Variants in PCSK4 observed in about 807,000 individuals in gnomAD.
PCSK4 encodes the protein testicular tissue protein Li 135.
In PCSK4, 64 loss-of-function variants were observed where a neutral mutation model predicts 80.3. That is an observed-to-expected ratio of 0.80 (90% CI 0.65 to 0.98). The LOEUF is 0.98. Ranked by LOEUF, PCSK4 falls within the 50% of genes least tolerant of loss-of-function variation. The probability of loss-of-function intolerance (pLI) is 0.00; values close to 1 mark genes in which losing one functional copy is unlikely to be tolerated. For missense variants in PCSK4, 1,213 were observed against 1,093.6 expected, an observed-to-expected ratio of 1.11 and a Z score of -1.54; for synonymous variants, 561 against 487.6, an observed-to-expected ratio of 1.15 and a Z score of -1.98.
At chr19:1,483,977 G>C (rs1292605437) in intron 9 of PCSK4, 36 bp from the exon 10 acceptor site, 3 of 1,456,762 alleles carry the variant, frequency 2.1e-6, no homozygotes, top group Non-Finnish European at 2.7e-6. Flanking sequence ...GTGAGCCGCC[G>C]GGCCGCGCCT....
At chr19:1,482,612 C>T (rs1261840745) in intron 13 of PCSK4, 137 bp from the exon 14 acceptor site, 3 of 1,091,856 alleles carry the variant, frequency 2.7e-6, no homozygotes, top group Admixed American at 2.5e-5. Flanking sequence ...GAATTGCACA[C>T]CTACTGTGCG....
At position 1,482,970 on chromosome 19, in the gene PCSK4, G is replaced by A. The variant is rs774411241; in HGVS notation, c.1622C>T (p.Thr541Ile). ...CTGTGGGTTCTCATCCCAGAAGTGG[G>A]TGGACATGAAGACCCAGTTGTTGTA... Residue 541 changes from threonine to isoleucine, a missense_variant, in exon 13 of 15, where the codon ACC becomes ATC. Physicochemically the swap from Thr to Ile is moderately conservative, Grantham distance 89 (BLOSUM62 -1). Coordinates refer to ENST00000300954, the Ensembl canonical transcript of PCSK4. The A allele has an allele frequency of 9.3e-6, 15 of 1,609,472 alleles. No homozygotes were observed. The Admixed American group carries it at 1.8e-4, about 20-fold the overall frequency.
rs568169170 is a variant in PCSK4, at chr19:1,487,555, C to G, written c.682+48G>C. 2.0e-6 allele frequency: 3 copies of G among 1,466,546 alleles called. No individual in the cohort carries two copies. The South Asian group carries it at 3.6e-5, about 18-fold the overall frequency. The allele number at this position is 1,466,546 out of a possible 1,614,324, so 90.8% of individuals were successfully genotyped here. On this transcript the variant is annotated intron_variant, in intron 6 of 14. Transcript: ENST00000300954. ...GGCCCAGCTCCCCGCCAGAGTCACC[C>G]CCTTCCCTCTCTGTCCCGGAATGGT...
At position 1,482,109 on chromosome 19, in the gene PCSK4, GC is replaced by G; in HGVS notation, c.1917del (p.His640ThrfsTer7). ...ACCCTCAGCGCGGGCGCCGCCGTGT[GC>G]CCAGGCCCAGCGGTCACCAGCCTTG... On this transcript the variant is annotated frameshift_variant, in exon 15 of 15. Coordinates refer to ENST00000300954, the Ensembl canonical transcript of PCSK4. LOFTEE classifies it low-confidence loss of function (END_TRUNC). 6.4e-7 allele frequency: 1 copy of G among 1,552,450 alleles called. No individual in the cohort carries two copies.
intron 12 of PCSK4, 91 bp from the exon 13 acceptor site, chr19:1,483,111 C>T: frequency 7.6e-7 from 1 of 1,311,634 alleles, no homozygotes; most frequent in Non-Finnish European, 1.0e-6. Context: ...ACCGCACGCG[C>T]TGGTGGCCGC....
At chr19:1,490,292 C>G (rs758854277) in exon 1 of PCSK4, 25 of 1,580,850 alleles carry the variant, frequency 1.6e-5, no homozygotes, top group Non-Finnish European at 2.2e-5. Context: ...CGGGGGCGGA[C>G]AAGGGCCAGG....
At chr19:1,482,065 G>C in exon 15 of PCSK4, 1 of 1,555,514 alleles carries the variant, frequency 6.4e-7, no homozygotes, top group Non-Finnish European at 8.7e-7. Flanking sequence ...TGTAGCAGGA[G>C]GCATGGCAGC....
chr19:1,490,280 C>G lies in PCSK4; in HGVS notation c.67G>C (p.Ala23Pro), dbSNP rs764289835. 8.7e-5 allele frequency: 139 copies of G among 1,596,270 alleles called. No homozygotes were observed. Among genetic ancestry groups the G allele is most frequent in the Non-Finnish European group, 1.1e-4 (132 of 1,171,810 alleles). ...GCTCGGACCGGGGCCCACCCCACAGCCCGGGGGCGGACAAGGGCCAGGGCC... is the reference window on the plus strand; with the variant it reads ...GCTCGGACCGGGGCCCACCCCACAGGCCGGGGGCGGACAAGGGCCAGGGCC... Residue 23 changes from alanine to proline, a missense_variant, in exon 1 of 15, where the codon GCT becomes CCT. Physicochemically the swap from Ala to Pro is conservative, Grantham distance 27 (BLOSUM62 -1). Coordinates refer to ENST00000300954, the Ensembl canonical transcript of PCSK4.
At chr19:1,490,399 G>C in exon 1 of PCSK4, 2 of 698,540 alleles carry the variant, frequency 2.9e-6, no homozygotes, top group Non-Finnish European at 4.5e-6. Flanking sequence ...CCGCCAAACC[G>C]CCGAGTGGGC....
chr19:1,482,623 C>G (rs2084357853), intron 13 of PCSK4, 148 bp from the exon 14 acceptor site: 1 of 1,012,388 alleles, frequency 9.9e-7, no homozygotes, highest in Admixed American at 2.6e-5. Context: ...CTACTGTGCG[C>G]CTGTCACTGG....
exon 12 of PCSK4, chr19:1,483,351 G>C: frequency 6.2e-7 from 1 of 1,609,986 alleles, no homozygotes; most frequent in Middle Eastern, 1.7e-4. Context: ...TCTCCGCGCC[G>C]GCTGTAGGAC....
At position 1,486,988 on chromosome 19, in the gene PCSK4, G is replaced by A. The variant is rs189463615; in HGVS notation, c.933C>T (p.Asp311=). The change falls in exon 8 of 15, where the codon GAC becomes GAT. Residue 311 remains aspartate, a synonymous_variant. Coordinates refer to ENST00000300954, the Ensembl canonical transcript of PCSK4. Reference sequence around the variant, plus strand: ...GCGTGTGGATGCTGTTGGTGTAGCCGTCGCAGTTGCAGTTGTCGTAGTGCA... The same window carrying A: ...GCGTGTGGATGCTGTTGGTGTAGCCATCGCAGTTGCAGTTGTCGTAGTGCA... The A allele has an allele frequency of 5.0e-5, 81 of 1,609,886 alleles. No individual in the cohort carries two copies. In the African/African-American group the frequency reaches 6.7e-4, roughly 13 times the overall value.
chr19:1,490,115 C>T lies in PCSK4; in HGVS notation c.189+43G>A, dbSNP rs767904501. 8.1e-6 allele frequency: 13 copies of T among 1,608,246 alleles called. No individual in the cohort carries two copies. In the South Asian group the frequency reaches 8.9e-5, roughly 11 times the overall value. On this transcript the variant is annotated intron_variant, in intron 1 of 14. Transcript: ENST00000300954. Reference sequence around the variant, plus strand: ...TTGTCGGGGTCTAGGGTTGTTCAGTCCCCTCCAAGCCCCCACTTCCCGTCT... The same window carrying T: ...TTGTCGGGGTCTAGGGTTGTTCAGTTCCCTCCAAGCCCCCACTTCCCGTCT...
chr19:1,490,262 C>T, exon 1 of PCSK4: 2 of 1,607,306 alleles, frequency 1.2e-6, no homozygotes, highest in South Asian at 1.1e-5. Flanking sequence ...GGGGCTCGGA[C>T]CGGGGCCCAC....
In PCSK4 at chr19:1,483,123, T is replaced by G. The variant is rs545903041; in HGVS notation, c.1572-103A>C. ...CTGACCGCACGCGCTGGTGGCCGCG[T>G]GTCCTCTGGGTGTGGGTGAGGGTGT... On this transcript the variant is annotated intron_variant, in intron 12 of 14. Coordinates refer to ENST00000300954, the Ensembl canonical transcript of PCSK4. 1.1e-4 allele frequency: 147 copies of G among 1,282,604 alleles called. 1 individual carries two copies. The South Asian group carries it at 2.0e-3, about 18-fold the overall frequency. 79.5% of individuals were successfully genotyped at this position (1,282,604 alleles called of 1,614,324 possible). A position where few individuals can be genotyped will look rare whatever the true frequency, so the allele number is the denominator to read the frequency against.
intron 13 of PCSK4, 32 bp downstream of exon 13, chr19:1,482,864 C>A (rs1458634265): frequency 3.1e-6 from 5 of 1,607,052 alleles, no homozygotes; most frequent in Non-Finnish European, 4.3e-6. Flanking sequence ...GAGAGCCAAG[C>A]CCCGCCCACC....
At chr19:1,481,730 G>A in exon 15 of PCSK4, 1 of 1,457,324 alleles carries the variant, frequency 6.9e-7, no homozygotes, top group Non-Finnish European at 9.1e-7. Flanking sequence ...ACCCAGGCGG[G>A]GGCAAGGTCG....
At chr19:1,490,865 T>A (rs544243378), upstream of PCSK4, 23 of 173,054 alleles carry the variant, frequency 1.3e-4, no homozygotes, top group Admixed American at 4.0e-4. Flanking sequence ...TCGGCTCGGA[T>A]GTTTCTTTAG....
chr19:1,481,681 C>T (rs571019020), exon 15 of PCSK4: 30 of 1,067,164 alleles, frequency 2.8e-5, no homozygotes, highest in Non-Finnish European at 3.5e-5. Context: ...CCTCTGGGGC[C>T]AGCCTGGGGA....
Sources: gnomAD v4.1 joint callset for allele counts on GRCh38, gnomAD v4.1.1 for gene constraint, MANE v1.5 for transcripts, NCBI Gene and HGNC (gene_info 2026-07-23, HGNC 2026-07-21) for gene names.